BANK1: variants seen among roughly 807,000 people sequenced by gnomAD.
BANK1 encodes the protein B-cell scaffold protein with ankyrin repeats.
In BANK1, 95 loss-of-function variants were observed where a neutral mutation model predicts 94.5. The observed-to-expected ratio is 1.00, with a 90% CI of 0.85 to 1.19. The LOEUF is 1.19. Among genes scored for constraint, BANK1 ranks in the 50% most tolerant of loss-of-function variants. The pLI is 0.00. For synonymous variants in BANK1, 334 were observed against 308.4 expected, an observed-to-expected ratio of 1.08 and a Z score of -0.87; for missense variants, 987 against 932.2, an observed-to-expected ratio of 1.06 and a Z score of -0.77.
chr4:102,043,913 A>G lies in BANK1; in HGVS notation c.1969+6A>G, dbSNP rs761737619. ...TGGTCTTCCTAAGAAACAAGGTACTAACACTAACTTCAATCTATTTAGTAA... is the reference window on the plus strand; with the variant it reads ...TGGTCTTCCTAAGAAACAAGGTACTGACACTAACTTCAATCTATTTAGTAA... On this transcript the variant is annotated splice_donor_region_variant and intron_variant, in intron 11 of 16. Coordinates refer to ENST00000322953, the MANE Select transcript of BANK1 (RefSeq NM_017935.5). 8 of 1,536,150 alleles carry G rather than the reference A, an allele frequency of 5.2e-6. No homozygotes were observed. The highest frequency in any genetic ancestry group is 7.2e-6 in the Non-Finnish European group (8 of 1,112,662).
intron 1 of BANK1, among the ~76,000 whole-genome samples, chr4:101,805,635 A>C (rs1022627993): frequency 1.3e-5 from 2 of 149,844 alleles, no homozygotes; most frequent in East Asian, 1.9e-4. Flanking sequence ...TATACATATA[A>C]ATAATATACA....
intron 10 of BANK1, among the ~76,000 whole-genome samples, chr4:102,041,153 C>T (rs572579630): frequency 6.6e-6 from 1 of 151,990 alleles, no homozygotes; most frequent in South Asian, 2.1e-4. Context: ...TTATATCTAC[C>T]TCTTGTAAAG....
At chr4:101,833,413 C>T (rs563432704) in intron 2 of BANK1, among the ~76,000 whole-genome samples, 1 of 152,194 alleles carries the variant, frequency 6.6e-6, no homozygotes, top group Non-Finnish European at 1.5e-5. Context: ...CTGTACTTCT[C>T]TGCTTCCACA....
chr4:102,003,988 T>C (rs1313298892), intron 7 of BANK1, among the ~76,000 whole-genome samples: 2 of 151,812 alleles, frequency 1.3e-5, no homozygotes, highest in Non-Finnish European at 2.9e-5. Flanking sequence ...CATACACATA[T>C]ACATATATGT....
At chr4:101,826,386 A>G (rs996781826) in intron 1 of BANK1, among the ~76,000 whole-genome samples, 4 of 152,076 alleles carry the variant, frequency 2.6e-5, no homozygotes, top group Non-Finnish European at 4.4e-5. Context: ...TAAAATGAGG[A>G]AAACATTAGT....
At chr4:101,870,180 C>G (rs1475375792) in intron 4 of BANK1, among the ~76,000 whole-genome samples, 2 of 151,670 alleles carry the variant, frequency 1.3e-5, no homozygotes, top group East Asian at 3.9e-4. Context: ...TTTCCAAATT[C>G]TAAAGAATTA....
chr4:102,017,885 G>A (rs1399312349), intron 7 of BANK1, among the ~76,000 whole-genome samples: 2 of 152,102 alleles, frequency 1.3e-5, no homozygotes, highest in Admixed American at 6.6e-5. Context: ...GAGTTTAACA[G>A]CTTTATTTCT....
chr4:102,013,694 G>A (rs1049494589), intron 7 of BANK1, among the ~76,000 whole-genome samples: 1 of 151,602 alleles, frequency 6.6e-6, no homozygotes, highest in Non-Finnish European at 1.5e-5. Context: ...AAAGGAGGAG[G>A]TCTTTTTTTT....
chr4:101,839,435 C>A (rs915831668), intron 2 of BANK1, among the ~76,000 whole-genome samples: 2 of 152,066 alleles, frequency 1.3e-5, no homozygotes, highest in Non-Finnish European at 1.5e-5. Flanking sequence ...ATTTTTTTGA[C>A]TGTTAGTAGC....
intron 7 of BANK1, among the ~76,000 whole-genome samples, chr4:101,948,508 T>G (rs1325209584): frequency 6.6e-6 from 1 of 152,138 alleles, no homozygotes; most frequent in African/African-American, 2.4e-5. Context: ...AGTTATTTAT[T>G]GTAGTCTAAA....
intron 12 of BANK1, 143 bp from the exon 13 acceptor site, chr4:102,062,932 A>G: frequency 1.6e-6 from 1 of 624,398 alleles, no homozygotes; most frequent in South Asian, 2.1e-5. Flanking sequence ...CGTGGAAAGT[A>G]TCAAGGATGG....
intron 7 of BANK1, among the ~76,000 whole-genome samples, chr4:101,958,405 C>T (rs1439873623): frequency 7.2e-6 from 1 of 138,466 alleles, no homozygotes; most frequent in East Asian, 2.2e-4. Context: ...GCCCTTTTTA[C>T]TGTCATGCTA....
rs80289478 is a variant in BANK1, at chr4:101,896,118, G to T, written c.1009+708G>T. Among the ~76,000 whole-genome samples, 330 of 151,978 alleles carry T rather than the reference G, an allele frequency of 2.2e-3. 2 individuals are homozygous for T. Among genetic ancestry groups the T allele is most frequent in the African/African-American group, 7.8e-3 (323 of 41,528 alleles). Reference sequence around the variant, plus strand: ...GTGGTTAAAAATATACAAATATCAAGAAAAGTATATGTAGGAGATATACAT... The same window carrying T: ...GTGGTTAAAAATATACAAATATCAATAAAAGTATATGTAGGAGATATACAT... On this transcript the variant is annotated intron_variant, in intron 6 of 16. Transcript: ENST00000322953.
intron 7 of BANK1, among the ~76,000 whole-genome samples, chr4:101,999,377 T>C (rs1410298003): frequency 6.6e-6 from 1 of 152,216 alleles, no homozygotes; most frequent in Non-Finnish European, 1.5e-5. Context: ...TTCTCTCTGC[T>C]TCTGCCCTAG....
At chr4:102,022,993 C>G (rs1007653782) in intron 8 of BANK1, among the ~76,000 whole-genome samples, 11 of 152,164 alleles carry the variant, frequency 7.2e-5, no homozygotes, top group Admixed American at 5.9e-4. Flanking sequence ...TTACCTGCTC[C>G]TTTTCTTCAT....
At chr4:101,849,653 A>G (rs1421963552) in intron 2 of BANK1, among the ~76,000 whole-genome samples, 2 of 152,186 alleles carry the variant, frequency 1.3e-5, no homozygotes, top group African/African-American at 4.8e-5. Context: ...TATATACACA[A>G]TAAAATTTGT....
At chr4:102,039,620 C>T (rs1303483267) in intron 10 of BANK1, among the ~76,000 whole-genome samples, 1 of 151,950 alleles carries the variant, frequency 6.6e-6, no homozygotes, top group Non-Finnish European at 1.5e-5. Flanking sequence ...GTTCCTCATC[C>T]CTATCCCCTC....
rs72923448 is a variant in BANK1 at position 101,829,361 on chromosome 4, A to G, written c.71-447A>G. On this transcript the variant is annotated intron_variant, in intron 1 of 16. Coordinates refer to ENST00000322953, the MANE Select transcript of BANK1 (RefSeq NM_017935.5). ...TTATACTGAATCTTTTCTGTTTTTGACTCTCAACTAAATATATCGTATTTT... is the reference window on the plus strand; with the variant it reads ...TTATACTGAATCTTTTCTGTTTTTGGCTCTCAACTAAATATATCGTATTTT... 9.7e-3 allele frequency among the ~76,000 whole-genome samples: 1,449 copies of G among 150,152 alleles called. 26 individuals are homozygous for G. Among genetic ancestry groups the G allele is most frequent in the African/African-American group, 0.034 (1,381 of 41,138 alleles).
intron 6 of BANK1, among the ~76,000 whole-genome samples, 178 bp downstream of exon 6, chr4:101,895,588 A>C (rs1157075962): frequency 6.6e-6 from 1 of 151,880 alleles, no homozygotes; most frequent in Non-Finnish European, 1.5e-5. Flanking sequence ...TTCGTTTGGT[A>C]ATTTTTTTTA....
Sources: allele counts gnomAD v4.1 joint callset (sites outside exome capture counted in the v4.1 genomes callset), GRCh38; gene constraint gnomAD v4.1.1; transcripts MANE v1.5; gene names NCBI Gene and HGNC (gene_info 2026-07-23, HGNC 2026-07-21).